The following SLC45A4 variants were observed in gnomAD, a reference collection of about 807,000 sequenced individuals.
The protein encoded by SLC45A4 is solute carrier family 45 member 4.
In SLC45A4, 32 loss-of-function variants were observed where a neutral mutation model predicts 63.7. The observed-to-expected ratio is 0.50, with a 90% CI of 0.38 to 0.67. The LOEUF (loss-of-function observed/expected upper bound fraction) is 0.67, where lower values mean the gene tolerates loss of function less well. Ranked by LOEUF, SLC45A4 falls within the 30% of genes least tolerant of loss-of-function variation. The probability of loss-of-function intolerance (pLI) is 0.00; values close to 1 mark genes in which losing one functional copy is unlikely to be tolerated. For synonymous variants in SLC45A4, 535 were observed against 510.0 expected (o/e 1.05, Z -0.66); for missense variants, 1,027 against 1,157.7 (o/e 0.89, Z 1.64).
chr8:141,291,307 T>C (rs765981031), intron 1 of SLC45A4, among the ~76,000 whole-genome samples: 18 of 152,234 alleles, frequency 1.2e-4, no homozygotes, highest in Admixed American at 7.2e-4. Flanking sequence ...CAGCCCAGTC[T>C]GGAGAAAGAG....
chr8:141,219,068 CCAGGCCA>C (rs754560233), intron 4 of SLC45A4, 39 bp from the exon 5 acceptor site: 21 of 1,584,332 alleles, frequency 1.3e-5, no homozygotes, highest in Admixed American at 1.7e-5. Context: ...GCCGGTGGCA[CCAGGCCA>C]CAGGGGGGGA....
At chr8:141,246,633 A>G (rs147462668) in intron 2 of SLC45A4, among the ~76,000 whole-genome samples, 790 of 18,566 alleles carry the variant, frequency 0.043, 16 homozygotes, top group African/African-American at 0.13. Flanking sequence ...AAGGCCGTGA[A>G]AGCCAAGGGG....
At position 141,217,035 on chromosome 8, in the gene SLC45A4, C is replaced by A; in HGVS notation, c.1729+55G>T. The A allele has an allele frequency of 1.9e-6, 3 of 1,566,060 alleles. No homozygotes were observed. The South Asian group carries it at 3.3e-5, about 17-fold the overall frequency. On this transcript the variant is annotated intron_variant, in intron 6 of 8. Transcript: ENST00000517878. Reference sequence around the variant, plus strand: ...GTGCAGGATTCTCTCGTCTGCATTTCTAATCACTGAGTTTTCTGGGGTGCG... The same window carrying A: ...GTGCAGGATTCTCTCGTCTGCATTTATAATCACTGAGTTTTCTGGGGTGCG...
chr8:141,244,067 C>G (rs2154614513), intron 2 of SLC45A4, among the ~76,000 whole-genome samples: 1 of 152,232 alleles, frequency 6.6e-6, no homozygotes, highest in South Asian at 2.1e-4. Flanking sequence ...CAAGGGTCAG[C>G]TGTATACCCA....
chr8:141,221,405 A>G (rs4961339), intron 3 of SLC45A4, among the ~76,000 whole-genome samples, 172 bp downstream of exon 3: 99,934 of 152,284 alleles, frequency 0.66, 33,476 homozygotes, highest in East Asian at 0.82. Flanking sequence ...ACATGGGGCC[A>G]GCTTCGGCGC....
At chr8:141,228,499 G>T in intron 2 of SLC45A4, 1 of 1,334,848 alleles carries the variant, frequency 7.5e-7, no homozygotes, top group South Asian at 1.8e-5. Flanking sequence ...TCACTGGCAG[G>T]CACCTGTCTT....
chr8:141,234,663 G>A (rs1161385929), intron 2 of SLC45A4, among the ~76,000 whole-genome samples: 4 of 152,182 alleles, frequency 2.6e-5, no homozygotes, highest in Admixed American at 6.5e-5. Flanking sequence ...ATTCTCCTGC[G>A]CGCTGCCAGG....
At position 141,218,866 on chromosome 8, in the gene SLC45A4, G is replaced by A. The variant is rs1183373561; in HGVS notation, c.774C>T (p.Tyr258=). 1.2e-6 allele frequency: 2 copies of A among 1,613,422 alleles called. No homozygotes were observed. The highest frequency in any genetic ancestry group is 1.7e-6 in the Non-Finnish European group (2 of 1,179,946). Residue 258 remains tyrosine (Y), a synonymous_variant, in exon 5 of 9, where the codon TAC becomes TAT. Transcript: ENST00000517878. ...CAGCGCTGCGCTCCTGCTGCGGGCT[G>A]TACTGCTCCTCGTCGATGCTGAACA... ...LHLFSIDEEQ[Y]SPQQERSAEE... is the part of the protein sequence containing the mutation.
chr8:141,289,726 G>C (rs11783132), intron 1 of SLC45A4, among the ~76,000 whole-genome samples: 1 of 151,916 alleles, frequency 6.6e-6, no homozygotes, highest in African/African-American at 2.4e-5. Context: ...CTCTGCAGAG[G>C]GGGGCTCAGG....
intron 2 of SLC45A4, chr8:141,228,255 T>C (rs769921071): frequency 1.1e-5 from 18 of 1,613,954 alleles, no homozygotes; most frequent in Non-Finnish European, 1.5e-5. Context: ...AGGCTGGGCT[T>C]GCTTTCCCCA....
At chr8:141,250,902 G>A (rs10103713) in intron 2 of SLC45A4, among the ~76,000 whole-genome samples, 3,324 of 152,176 alleles carry the variant, frequency 0.022, 55 homozygotes, top group Non-Finnish European at 0.033. Flanking sequence ...ACAATGAAAC[G>A]TGCATAGAAA....
chr8:141,236,924 G>A (rs997592276), intron 2 of SLC45A4, among the ~76,000 whole-genome samples: 62 of 152,292 alleles, frequency 4.1e-4, no homozygotes, highest in African/African-American at 1.3e-3. Context: ...AACCTCCATC[G>A]GTCCCTGAGC....
rs1168770781 is a variant in SLC45A4 at position 141,221,779 on chromosome 8, G to A, written c.242-14C>T. 5.6e-6 allele frequency: 9 copies of A among 1,608,136 alleles called. No homozygotes were observed. Among genetic ancestry groups the A allele is most frequent in the East Asian group, 2.2e-5 (1 of 44,774 alleles). On this transcript the variant is annotated splice_polypyrimidine_tract_variant and intron_variant, in intron 2 of 8. Coordinates refer to ENST00000517878, the MANE Select transcript of SLC45A4 (RefSeq NM_001286646.2). ...GCTCCGGAAGGCCTGCAAGGGACAC[G>A]AGGGCCGTCGCACACGCAGGCACTG...
In SLC45A4 at chr8:141,254,196, A is replaced by C; in HGVS notation, c.34T>G (p.Ser12Ala). The C allele has an allele frequency of 6.5e-7, 1 of 1,535,308 alleles. No homozygotes were observed. The highest frequency in any genetic ancestry group is 8.7e-7 in the Non-Finnish European group (1 of 1,146,286). ...ACGGATAACTCTTGAACTTGCATAGATTCCGGGTCGGCATTCTGCGGAGCC... is the reference window on the plus strand; with the variant it reads ...ACGGATAACTCTTGAACTTGCATAGCTTCCGGGTCGGCATTCTGCGGAGCC... ...KMAPQNADPESMQVQELSVPL... is the reference protein window; with the variant it reads ...KMAPQNADPEAMQVQELSVPL... Residue 12 changes from serine to alanine, a missense_variant, in exon 2 of 9, where the codon TCT becomes GCT. Physicochemically the swap from Ser to Ala is moderately conservative, Grantham distance 99. Transcript: ENST00000517878. This position sits in a 1 kb window ranked among gnomAD's most constrained non-coding sequence, Gnocchi z 4.5.
intron 1 of SLC45A4, among the ~76,000 whole-genome samples, chr8:141,280,284 C>T (rs970320437): frequency 2.0e-5 from 3 of 152,178 alleles, no homozygotes; most frequent in Non-Finnish European, 2.9e-5. Flanking sequence ...GCGACTCTGT[C>T]TCCTGGATCC....
At chr8:141,288,874 G>A (rs753661671) in intron 1 of SLC45A4, among the ~76,000 whole-genome samples, 7 of 152,270 alleles carry the variant, frequency 4.6e-5, no homozygotes, top group Non-Finnish European at 1.0e-4. Flanking sequence ...GGGACTCCCC[G>A]TCCAAATGCA....
intron 3 of SLC45A4, 132 bp from the exon 4 acceptor site, chr8:141,219,961 G>T: frequency 1.2e-6 from 1 of 853,784 alleles, no homozygotes; most frequent in Non-Finnish European, 1.7e-6. Flanking sequence ...TCCAGCACAA[G>T]AGAGAGGCTC....
At chr8:141,301,228 C>T (rs573237029) in intron 1 of SLC45A4, among the ~76,000 whole-genome samples, 1 of 152,162 alleles carries the variant, frequency 6.6e-6, no homozygotes, top group Non-Finnish European at 1.5e-5. Flanking sequence ...AATTAAGGCA[C>T]CTTAAACGGG....
At chr8:141,287,317 C>T (rs569066469) in intron 1 of SLC45A4, among the ~76,000 whole-genome samples, 2 of 152,260 alleles carry the variant, frequency 1.3e-5, no homozygotes, top group African/African-American at 4.8e-5. Context: ...CCGGCGGATA[C>T]TAACTACAGC....
Sources: allele counts gnomAD v4.1 joint callset (sites outside exome capture counted in the v4.1 genomes callset), GRCh38; gene constraint gnomAD v4.1.1; non-coding constraint Gnocchi (gnomAD v3.1); transcripts MANE v1.5; gene names NCBI Gene and HGNC (gene_info 2026-07-23, HGNC 2026-07-21).